The following SLC38A6 variants were observed in gnomAD, a reference collection of about 807,000 sequenced individuals.
SLC38A6 encodes solute carrier family 38 member 6, also known as N system amino acid transporter NAT-1.
Under a neutral mutation model 65.0 loss-of-function variants are expected in SLC38A6, and 73 were observed. The ratio of observed to expected loss-of-function variants is 1.12; its 90% CI spans 0.93 to 1.37. The LOEUF (loss-of-function observed/expected upper bound fraction) is 1.37, where lower values mean the gene tolerates loss of function less well. Ranked by LOEUF, SLC38A6 falls within the 40% of genes most tolerant of loss-of-function variation. The probability of loss-of-function intolerance (pLI) is 0.00; values close to 1 mark genes in which losing one functional copy is unlikely to be tolerated. For synonymous variants in SLC38A6, 183 were observed against 178.8 expected (o/e 1.02, Z -0.19); for missense variants, 561 against 531.1 (o/e 1.06, Z -0.55).
chr14:61,004,140 A>T (rs1301985868), intron 3 of SLC38A6, among the ~76,000 whole-genome samples: 1 of 152,174 alleles, frequency 6.6e-6, no homozygotes, highest in African/African-American at 2.4e-5. Context: ...AATTAAAAAT[A>T]AGTTTTAAAT....
intron 12 of SLC38A6, among the ~76,000 whole-genome samples, chr14:61,047,271 C>A (rs1333161525): frequency 6.6e-6 from 1 of 152,118 alleles, no homozygotes; most frequent in Non-Finnish European, 1.5e-5. Context: ...TTAGATGAAT[C>A]ACCATTAGGT....
intron 12 of SLC38A6, among the ~76,000 whole-genome samples, chr14:61,046,912 G>A (rs2042184508): frequency 6.6e-6 from 1 of 152,052 alleles, no homozygotes; most frequent in Non-Finnish European, 1.5e-5. Flanking sequence ...AGATTGTCAA[G>A]CTTTTCTGAT....
At chr14:61,031,605 A>T (rs2040995556) in intron 6 of SLC38A6, among the ~76,000 whole-genome samples, 1 of 152,104 alleles carries the variant, frequency 6.6e-6, no homozygotes, top group South Asian at 2.1e-4. Flanking sequence ...CACATGCATT[A>T]TCACATCTGA....
At position 61,052,119 on chromosome 14, in the gene SLC38A6, C is replaced by A. The variant is rs542260292; in HGVS notation, c.1274C>A (p.Ser425Ter). ...YLKLSREDFLSWKKLGAFVLL... is the reference protein window; with the variant it reads ...YLKLSREDFL ...AAACTTAGCAGAGAGGATTTTCTGT[C>A]ATGGAAAAAGCTTGGGGTAGGTTGT... is the stretch of plus-strand genomic sequence containing the variant. The change falls in exon 15 of 16, where the codon TCA (serine) becomes TAA (stop). Residue 425 changes from serine to a stop codon, truncating the protein, a stop_gained. Coordinates refer to ENST00000267488, the MANE Select transcript of SLC38A6 (RefSeq NM_153811.3). LOFTEE classifies it high-confidence loss of function. 1 of 1,562,400 alleles carries A rather than the reference C, an allele frequency of 6.4e-7. No individual in the cohort carries two copies. Among genetic ancestry groups the A allele is most frequent in the Admixed American group, 2.3e-5 (1 of 43,682 alleles).
intron 15 of SLC38A6, among the ~76,000 whole-genome samples, chr14:61,076,698 C>T (rs2043432454): frequency 6.6e-6 from 1 of 152,176 alleles, no homozygotes. Context: ...AAATGTGGCA[C>T]CTAAATCTGT....
intron 12 of SLC38A6, among the ~76,000 whole-genome samples, chr14:61,046,474 C>T (rs2042156008): frequency 6.6e-6 from 1 of 152,080 alleles, no homozygotes; most frequent in East Asian, 1.9e-4. Flanking sequence ...TTCTGTTTTT[C>T]TTAAATTTTG....
chr14:61,043,322 T>C (rs1232533495), intron 9 of SLC38A6, 110 bp downstream of exon 9: 2 of 1,046,972 alleles, frequency 1.9e-6, no homozygotes, highest in Non-Finnish European at 2.8e-6. Flanking sequence ...CTATATTGCA[T>C]TTTAGAACTT....
intron 4 of SLC38A6, among the ~76,000 whole-genome samples, chr14:61,016,615 T>G (rs1481171210): frequency 1.3e-5 from 2 of 152,194 alleles, no homozygotes; most frequent in African/African-American, 4.8e-5. Flanking sequence ...GAAAAATAAT[T>G]GTCTTCCACC....
downstream of SLC38A6, among the ~76,000 whole-genome samples, chr14:61,055,115 T>TC (rs1425109433): frequency 6.7e-5 from 9 of 133,534 alleles, no homozygotes; most frequent in South Asian, 1.2e-3. Context: ...TCTTTTTTTT[T>TC]TTCTTTTTTT....
intron 15 of SLC38A6, among the ~76,000 whole-genome samples, chr14:61,069,321 A>G (rs2043142017): frequency 6.6e-6 from 1 of 150,900 alleles, no homozygotes; most frequent in South Asian, 2.1e-4. Context: ...GCTCACTACT[A>G]CCCCCATTAA....
intron 5 of SLC38A6, among the ~76,000 whole-genome samples, chr14:61,025,136 C>T (rs910716609): frequency 6.6e-6 from 1 of 152,170 alleles, no homozygotes; most frequent in African/African-American, 2.4e-5. Flanking sequence ...ATTAACACCT[C>T]AGTTTGGTAA....
At chr14:61,015,993 A>G in intron 4 of SLC38A6, 37 bp downstream of exon 4, 1 of 1,532,856 alleles carries the variant, frequency 6.5e-7, no homozygotes, top group Non-Finnish European at 8.9e-7. Context: ...CCAAAACCCA[A>G]AGTGGCATTT....
chr14:61,052,288 T>C, intron 15 of SLC38A6, 61 bp from the exon 16 acceptor site: 10 of 1,397,096 alleles, frequency 7.2e-6, no homozygotes, highest in Non-Finnish European at 9.7e-6. Flanking sequence ...AATCCAATTG[T>C]ATTTTTTTAT....
intron 15 of SLC38A6, among the ~76,000 whole-genome samples, chr14:61,069,485 C>T (rs1361157520): frequency 1.3e-5 from 2 of 152,086 alleles, no homozygotes; most frequent in Non-Finnish European, 2.9e-5. Context: ...TTTTTTCTGT[C>T]TAGCACTTGA....
intron 3 of SLC38A6, among the ~76,000 whole-genome samples, chr14:60,994,946 G>A (rs2038172449): frequency 7.0e-6 from 1 of 142,752 alleles, no homozygotes; most frequent in Non-Finnish European, 1.5e-5. Flanking sequence ...GGAGGTTGCA[G>A]TGAGCTGAAA....
At chr14:61,031,230 A>G (rs1056532957) in intron 6 of SLC38A6, among the ~76,000 whole-genome samples, 1 of 152,180 alleles carries the variant, frequency 6.6e-6, no homozygotes, top group African/African-American at 2.4e-5. Context: ...TTGAAAAGAC[A>G]GAATAAATCA....
chr14:61,043,508 G>T lies in SLC38A6; in HGVS notation c.744+5G>T. ...CTCTTTCATTTCTCCAAAGAGGTGT[G>T]TAAGTTATTAACAGATACTTTTAGT... On this transcript the variant is annotated splice_donor_5th_base_variant and intron_variant, in intron 10 of 15. Transcript: ENST00000267488. 1 of 1,594,768 alleles carries T rather than the reference G, an allele frequency of 6.3e-7. No homozygotes were observed.
At chr14:61,076,202 T>C (rs113960336) in intron 15 of SLC38A6, among the ~76,000 whole-genome samples, 2 of 151,980 alleles carry the variant, frequency 1.3e-5, no homozygotes, top group African/African-American at 4.8e-5. Context: ...TCAGAGGGAG[T>C]GGGGCCCCTA....
chr14:61,010,226 G>C (rs1440317726), intron 3 of SLC38A6, among the ~76,000 whole-genome samples: 1 of 151,840 alleles, frequency 6.6e-6, no homozygotes, highest in Non-Finnish European at 1.5e-5. Context: ...TGTTGATGCG[G>C]TTGTTTTTTT....
Sources: gnomAD v4.1 joint callset for allele counts (sites outside exome capture counted in the v4.1 genomes callset) on GRCh38, gnomAD v4.1.1 for gene constraint, MANE v1.5 for transcripts, NCBI Gene and HGNC (gene_info 2026-07-23, HGNC 2026-07-21) for gene names.